LIPI: variants seen among roughly 807,000 people sequenced by gnomAD.
LIPI encodes lipase I, also known as lipase member I.
Under a neutral mutation model 50.6 loss-of-function variants are expected in LIPI, and 59 were observed. The observed-to-expected ratio is 1.16, with a 90% CI of 0.94 to 1.45. The LOEUF is 1.45. LIPI is among the 40% of genes most tolerant of loss of function. LIPI has a pLI of 0.00. For missense variants in LIPI, 586 were observed against 536.3 expected, an observed-to-expected ratio of 1.09 and a Z score of -0.92; for synonymous variants, 203 against 178.2, an observed-to-expected ratio of 1.14 and a Z score of -1.11.
At chr21:14,110,609 G>A (rs2016364967) in intron 9 of LIPI, among the ~76,000 whole-genome samples, 1 of 151,472 alleles carries the variant, frequency 6.6e-6, no homozygotes, top group Admixed American at 6.6e-5. Flanking sequence ...TCTATCCTTT[G>A]ACCAACATCT....
chr21:14,161,312 C>T (rs951363940), intron 7 of LIPI, among the ~76,000 whole-genome samples: 135 of 144,724 alleles, frequency 9.3e-4, no homozygotes, highest in African/African-American at 3.2e-3. Flanking sequence ...TCTATATATC[C>T]CTATAGATAT....
At chr21:14,182,951 C>T (rs1157015980) in intron 3 of LIPI, among the ~76,000 whole-genome samples, 1 of 152,188 alleles carries the variant, frequency 6.6e-6, no homozygotes, top group African/African-American at 2.4e-5. Context: ...CAATGACTTT[C>T]TTCACAGAAT....
intron 1 of LIPI, among the ~76,000 whole-genome samples, chr21:14,194,951 A>G (rs1441030097): frequency 1.3e-5 from 2 of 152,164 alleles, no homozygotes; most frequent in Non-Finnish European, 2.9e-5. Flanking sequence ...ATATGGGAAA[A>G]AAATTTAGAC....
chr21:14,168,321 C>T (rs12482153), intron 4 of LIPI, among the ~76,000 whole-genome samples: 46,143 of 152,080 alleles, frequency 0.3, 7,702 homozygotes, highest in East Asian at 0.47. Context: ...CTTCCCCAAT[C>T]TAGCGAGGAA....
intron 1 of LIPI, among the ~76,000 whole-genome samples, chr21:14,208,276 G>A (rs2020278158): frequency 6.6e-6 from 1 of 152,160 alleles, no homozygotes; most frequent in Non-Finnish European, 1.5e-5. Context: ...CATCACCTGA[G>A]TGCTTAGTAG....
chr21:14,186,210 ATTTCAAGATGACTATATAT>A (rs1194103894), intron 2 of LIPI, 141 bp from the exon 3 acceptor site: 2 of 631,138 alleles, frequency 3.2e-6, no homozygotes, highest in East Asian at 5.4e-5. Flanking sequence ...AGACTTTATA[ATTTCAAGATGACTATATAT>A]TTGTTCAACT....
intron 7 of LIPI, among the ~76,000 whole-genome samples, chr21:14,160,585 AAC>A (rs2018427673): frequency 6.6e-6 from 1 of 151,390 alleles, no homozygotes; most frequent in South Asian, 2.1e-4. Context: ...CCTAGGGCTC[AAC>A]ACAGAGTTCT....
chr21:14,169,060 A>G (rs889459179), intron 4 of LIPI, among the ~76,000 whole-genome samples: 15 of 152,316 alleles, frequency 9.8e-5, no homozygotes, highest in African/African-American at 3.6e-4. Context: ...AGGGGTTGCA[A>G]TCCTAGTCTG....
At chr21:14,176,175 CA>C (rs35536134) in intron 4 of LIPI, among the ~76,000 whole-genome samples, 62,919 of 111,398 alleles carry the variant, frequency 0.56, 14,536 homozygotes, top group Non-Finnish European at 0.63. Context: ...GACTCCGTCT[CA>C]AAAAAAAAAA....
intron 7 of LIPI, among the ~76,000 whole-genome samples, chr21:14,155,596 A>G (rs2123109530): frequency 6.6e-6 from 1 of 152,178 alleles, no homozygotes; most frequent in South Asian, 2.1e-4. Context: ...TGCATTACCT[A>G]CAGGAGAACA....
intron 9 of LIPI, chr21:14,143,853 G>C: frequency 6.5e-6 from 1 of 154,520 alleles, no homozygotes; most frequent in Non-Finnish European, 1.5e-5. Flanking sequence ...TTGTGAGGAC[G>C]TAGAACTGAG....
chr21:14,132,171 C>T (rs141560686), intron 9 of LIPI, among the ~76,000 whole-genome samples: 1 of 152,266 alleles, frequency 6.6e-6, no homozygotes, highest in East Asian at 1.9e-4. Context: ...AAAAACTTCT[C>T]AATCTAACAG....
intron 1 of LIPI, among the ~76,000 whole-genome samples, chr21:14,196,899 A>G (rs1600930699): frequency 6.6e-6 from 1 of 152,260 alleles, no homozygotes; most frequent in Non-Finnish European, 1.5e-5. Context: ...GTAAACATCA[A>G]TAAAATTAGT....
At chr21:14,123,228 C>T (rs762738786) in intron 9 of LIPI, among the ~76,000 whole-genome samples, 16 of 152,318 alleles carry the variant, frequency 1.1e-4, no homozygotes, top group Middle Eastern at 3.4e-3. Context: ...GGAGATACAA[C>T]CTGTTTAGAT....
intron 9 of LIPI, among the ~76,000 whole-genome samples, chr21:14,132,507 C>T (rs2017334452): frequency 6.6e-6 from 1 of 152,078 alleles, no homozygotes. Flanking sequence ...TAAAGTATTT[C>T]CCAGACAAGC....
chr21:14,158,368 C>T (rs1410460216), intron 7 of LIPI, among the ~76,000 whole-genome samples: 3 of 151,400 alleles, frequency 2.0e-5, no homozygotes, highest in African/African-American at 4.8e-5. Context: ...GAAGAGTTCT[C>T]TAAAAAATAC....
At chr21:14,189,534 C>T (rs1039367584) in intron 1 of LIPI, 115 bp from the exon 2 acceptor site, 55 of 908,632 alleles carry the variant, frequency 6.1e-5, no homozygotes, top group Non-Finnish European at 8.2e-5. Context: ...TTCATGAGCC[C>T]TTCAACATAA....
intron 1 of LIPI, among the ~76,000 whole-genome samples, chr21:14,189,771 T>C (rs1475580244): frequency 6.6e-6 from 1 of 152,138 alleles, no homozygotes; most frequent in African/African-American, 2.4e-5. Flanking sequence ...AACAAAAGTT[T>C]TACAGAGTAG....
At chr21:14,201,113 G>A (rs2020037180) in intron 1 of LIPI, among the ~76,000 whole-genome samples, 1 of 151,982 alleles carries the variant, frequency 6.6e-6, no homozygotes, top group Admixed American at 6.6e-5. Flanking sequence ...ATTAACTGAA[G>A]AGGGATTAAA....
Sources: gnomAD v4.1 joint callset for allele counts (sites outside exome capture counted in the v4.1 genomes callset) on GRCh38, gnomAD v4.1.1 for gene constraint, MANE v1.5 for transcripts, NCBI Gene and HGNC (gene_info 2026-07-23, HGNC 2026-07-21) for gene names.